The following CSMD2 variants were observed in gnomAD, a reference collection of about 807,000 sequenced individuals.
CSMD2 encodes CUB and Sushi multiple domains 2.
A neutral mutation model predicts 398.5 loss-of-function variants in CSMD2; 130 were observed. The ratio of observed to expected loss-of-function variants is 0.33; its 90% CI spans 0.28 to 0.38. The LOEUF (loss-of-function observed/expected upper bound fraction) is 0.38, where lower values mean the gene tolerates loss of function less well. Ranked by LOEUF, CSMD2 falls within the 10% of genes least tolerant of loss-of-function variation. CSMD2 has a pLI of 1.00. For missense variants in CSMD2, 3,829 were observed against 4,764.9 expected (o/e 0.80, Z 5.78); for synonymous variants, 1,828 against 1,908.5 (o/e 0.96, Z 1.10).
intron 11 of CSMD2, 35 bp downstream of exon 11, chr1:33,792,388 C>T (rs1388832628): frequency 4.0e-6 from 6 of 1,514,502 alleles, no homozygotes; most frequent in Non-Finnish European, 5.5e-6. Context: ...CAGCCACCGT[C>T]CCACCTTCCA....
chr1:33,593,683 T>C (rs1314849892), intron 44 of CSMD2, among the ~76,000 whole-genome samples: 1 of 152,208 alleles, frequency 6.6e-6, no homozygotes, highest in African/African-American at 2.4e-5. Context: ...CCAAACCAGA[T>C]CATTAAGAGT....
intron 12 of CSMD2, among the ~76,000 whole-genome samples, chr1:33,774,222 G>A (rs1651673353): frequency 6.6e-6 from 1 of 151,808 alleles, no homozygotes; most frequent in African/African-American, 2.4e-5. Context: ...CCAGGTGTGA[G>A]GCATCTCAAA....
At chr1:34,140,197 G>T (rs954622854) in intron 1 of CSMD2, among the ~76,000 whole-genome samples, 2 of 152,036 alleles carry the variant, frequency 1.3e-5, no homozygotes, top group Admixed American at 1.3e-4. Flanking sequence ...TTTAGACTGC[G>T]GGGGCAGGGG....
At chr1:33,947,915 A>C (rs1309888327) in intron 3 of CSMD2, among the ~76,000 whole-genome samples, 1 of 152,206 alleles carries the variant, frequency 6.6e-6, no homozygotes, top group Non-Finnish European at 1.5e-5. Flanking sequence ...AGAGAGGGTG[A>C]GTCACTTGCT....
At chr1:33,764,783 T>G (rs1210553821) in intron 13 of CSMD2, among the ~76,000 whole-genome samples, 3 of 152,238 alleles carry the variant, frequency 2.0e-5, no homozygotes, top group Non-Finnish European at 4.4e-5. Context: ...TTCCAAGGAC[T>G]CTAGCTATTG....
intron 3 of CSMD2, among the ~76,000 whole-genome samples, chr1:33,962,543 C>T (rs929618992): frequency 1.3e-5 from 2 of 152,192 alleles, no homozygotes; most frequent in Non-Finnish European, 2.9e-5. Flanking sequence ...TACTGCTTCT[C>T]TACTCCAATG....
intron 62 of CSMD2, among the ~76,000 whole-genome samples, chr1:33,536,638 G>A (rs1224995026): frequency 6.6e-6 from 1 of 152,200 alleles, no homozygotes; most frequent in Non-Finnish European, 1.5e-5. Context: ...ATGCCAACAG[G>A]CCTGCCTCCT....
At position 33,810,911 on chromosome 1, in the gene CSMD2, G is replaced by C. The variant is rs192716722; in HGVS notation, c.1325-47C>G. On this transcript the variant is annotated intron_variant, in intron 9 of 70. Transcript: ENST00000373381. The stretch of plus-strand genomic sequence containing the variant: ...AGCCTTTGAATTAAGACTAGGTCCA[G>C]TTCCCCTTCTTGCCTCCCACTCCCC... 41 of 1,597,510 alleles carry C rather than the reference G, an allele frequency of 2.6e-5. No individual in the cohort carries two copies. The East Asian group carries it at 4.1e-4, about 16-fold the overall frequency.
At chr1:33,960,231 A>C (rs1159264827) in intron 3 of CSMD2, among the ~76,000 whole-genome samples, 1 of 151,550 alleles carries the variant, frequency 6.6e-6, no homozygotes, top group Admixed American at 6.6e-5. Flanking sequence ...CCAGAGGCCC[A>C]CCCCCATGGG....
At chr1:33,699,599 C>G (rs961123056) in intron 23 of CSMD2, among the ~76,000 whole-genome samples, 2 of 152,192 alleles carry the variant, frequency 1.3e-5, no homozygotes, top group Admixed American at 6.5e-5. Flanking sequence ...CTGTAACAGG[C>G]AAGGATCCTC....
At chr1:33,677,540 G>T (rs1226992987) in intron 25 of CSMD2, among the ~76,000 whole-genome samples, 6 of 152,314 alleles carry the variant, frequency 3.9e-5, no homozygotes, top group Non-Finnish European at 7.3e-5. Flanking sequence ...CATTGTGGAA[G>T]TCAGTGTGGC....
chr1:33,638,054 C>G (rs1225944736), intron 29 of CSMD2, among the ~76,000 whole-genome samples: 2 of 152,132 alleles, frequency 1.3e-5, no homozygotes, highest in African/African-American at 4.8e-5. Flanking sequence ...GATCCTGCAC[C>G]TTAAGTCGTT....
chr1:33,752,370 G>T (rs1489575009), intron 13 of CSMD2, among the ~76,000 whole-genome samples: 3 of 152,068 alleles, frequency 2.0e-5, no homozygotes, highest in East Asian at 1.9e-4. Flanking sequence ...AGAGTGTGGT[G>T]CCCCCACCCT....
intron 19 of CSMD2, 53 bp downstream of exon 19, chr1:33,724,144 T>G (rs933504765): frequency 6.1e-6 from 8 of 1,303,922 alleles, no homozygotes; most frequent in Non-Finnish European, 8.9e-6. Context: ...CTGAGGAACT[T>G]GGGTCCCTGA....
intron 55 of CSMD2, among the ~76,000 whole-genome samples, chr1:33,555,023 T>C (rs1340575096): frequency 6.6e-6 from 1 of 152,208 alleles, no homozygotes; most frequent in Non-Finnish European, 1.5e-5. Context: ...CCACAGATAG[T>C]GTATTCCTCT....
At position 33,678,986 on chromosome 1, in the gene CSMD2, G is replaced by T. The variant is rs141786435; in HGVS notation, c.4052+13944C>A. ...CTGTGACCTTGTGCTTCCCTCTAAC[G>T]TGCTGGGTGACCTCCGGCCAGCTGC... On this transcript the variant is annotated intron_variant, in intron 25 of 70. Coordinates refer to ENST00000373381, the MANE Select transcript of CSMD2 (RefSeq NM_001281956.2). Among the ~76,000 whole-genome samples the T allele has an allele frequency of 2.9e-4, 44 of 152,250 alleles. No individual in the cohort carries two copies. In the East Asian group the frequency reaches 8.3e-3, roughly 29 times the overall value.
intron 1 of CSMD2, among the ~76,000 whole-genome samples, chr1:34,133,720 A>G (rs1638401167): frequency 6.6e-6 from 1 of 152,004 alleles, no homozygotes. Flanking sequence ...CCTTTCCCAT[A>G]GTACATCTTG....
intron 1 of CSMD2, among the ~76,000 whole-genome samples, chr1:34,096,400 G>A (rs1472729500): frequency 2.6e-5 from 4 of 152,096 alleles, no homozygotes; most frequent in Non-Finnish European, 5.9e-5. Context: ...AGCGTTGGAA[G>A]CTCTGGCCAG....
At chr1:33,764,326 A>T (rs1650211650) in intron 13 of CSMD2, among the ~76,000 whole-genome samples, 1 of 151,944 alleles carries the variant, frequency 6.6e-6, no homozygotes, top group Non-Finnish European at 1.5e-5. Context: ...CATAGCTATG[A>T]CTAGTGCCCA....
Sources: allele counts gnomAD v4.1 joint callset (sites outside exome capture counted in the v4.1 genomes callset), GRCh38; gene constraint gnomAD v4.1.1; transcripts MANE v1.5; gene names NCBI Gene and HGNC (gene_info 2026-07-23, HGNC 2026-07-21).